The following ANO2 variants were observed in gnomAD, a reference collection of about 807,000 sequenced individuals.
ANO2 encodes anoctamin-2.
A neutral mutation model predicts 124.2 loss-of-function variants in ANO2; 101 were observed. The observed-to-expected ratio is 0.81, with a 90% CI of 0.69 to 0.96. The LOEUF is 0.96. ANO2 is among the 40% of genes least tolerant of loss of function. The pLI is 0.00. For synonymous variants in ANO2, 486 were observed against 482.5 expected, an observed-to-expected ratio of 1.01 and a Z score of -0.09; for missense variants, 1,293 against 1,274.5, an observed-to-expected ratio of 1.01 and a Z score of -0.22.
At position 5,771,867 on chromosome 12, in the gene ANO2, A is replaced by G. The variant is rs867848364; in HGVS notation, c.1056-20897T>C. Among the ~76,000 whole-genome samples, 3 of 152,228 alleles carry G rather than the reference A, an allele frequency of 2.0e-5. No homozygotes were observed. The South Asian group carries it at 6.2e-4, about 31-fold the overall frequency. On this transcript the variant is annotated intron_variant, in intron 10 of 24. Coordinates refer to ENST00000682330, the MANE Select transcript of ANO2 (RefSeq NM_001364791.2). ...TCACAACAGAAAAGACAGCGATGGT[A>G]TCTGTTCCAGTTTTTATTTGTTAAA...
Position 5,832,667 on chromosome 12 carries a change from C to A in ANO2, c.634-64G>T. The A allele has an allele frequency of 1.0e-5, 15 of 1,487,428 alleles. No homozygotes were observed. The Admixed American group carries it at 1.6e-4, about 16-fold the overall frequency. 92.1% of individuals were successfully genotyped at this position (1,487,428 alleles called of 1,614,324 possible). On this transcript the variant is annotated intron_variant, in intron 4 of 24. Coordinates refer to ENST00000682330, the MANE Select transcript of ANO2 (RefSeq NM_001364791.2). ...CTTCCAGCAGAGAGGAATGGCTTCA[C>A]AAAAAAAAGCTGCATGGACACAGAT...
At chr12:5,726,298 G>A (rs181211684) in intron 14 of ANO2, among the ~76,000 whole-genome samples, 17 of 152,302 alleles carry the variant, frequency 1.1e-4, no homozygotes, top group Admixed American at 7.8e-4. Context: ...GTTGTCCTCA[G>A]TGGAAATAGA....
At chr12:5,806,651 T>C (rs974961247) in intron 8 of ANO2, among the ~76,000 whole-genome samples, 2 of 152,224 alleles carry the variant, frequency 1.3e-5, no homozygotes, top group Admixed American at 1.3e-4. Flanking sequence ...TCTCGTAAAC[T>C]GTCTTGAAGA....
intron 14 of ANO2, among the ~76,000 whole-genome samples, chr12:5,657,833 A>C (rs1947238246): frequency 6.6e-6 from 1 of 152,056 alleles, no homozygotes; most frequent in Non-Finnish European, 1.5e-5. Flanking sequence ...GGCATGTTCA[A>C]GGGCAGAGAG....
intron 3 of ANO2, among the ~76,000 whole-genome samples, chr12:5,920,692 C>T (rs1297125462): frequency 6.6e-6 from 1 of 151,960 alleles, no homozygotes; most frequent in Non-Finnish European, 1.5e-5. Flanking sequence ...GGTGAAACCC[C>T]GTCTCTACTA....
chr12:5,779,241 G>A (rs558755117), intron 10 of ANO2, among the ~76,000 whole-genome samples: 2 of 152,174 alleles, frequency 1.3e-5, no homozygotes, highest in South Asian at 2.1e-4. Context: ...CCTTTTCTTT[G>A]GTCAAACTCA....
At chr12:5,937,805 C>T (rs1385919913) in intron 1 of ANO2, among the ~76,000 whole-genome samples, 2 of 152,076 alleles carry the variant, frequency 1.3e-5, no homozygotes, top group Admixed American at 6.5e-5. Flanking sequence ...TCTTGTCTTC[C>T]CTATTGATCT....
chr12:5,635,053 C>A lies in ANO2; in HGVS notation c.1816+99G>T, dbSNP rs551248000. 2 of 1,105,716 alleles carry A rather than the reference C, an allele frequency of 1.8e-6. No homozygotes were observed. The highest frequency in any genetic ancestry group is 2.5e-6 in the Non-Finnish European group (2 of 801,144). The allele number at this position is 1,105,716 out of a possible 1,614,324, so 68.5% of individuals were successfully genotyped here. A position where few individuals can be genotyped will look rare whatever the true frequency, so the allele number is the denominator to read the frequency against. Reference sequence around the variant, plus strand: ...AATTAAAATGCACTGTACAAAGCATCCTGTCCCTGTCCCATTTTTTTTATT... The same window carrying A: ...AATTAAAATGCACTGTACAAAGCATACTGTCCCTGTCCCATTTTTTTTATT... On this transcript the variant is annotated intron_variant, in intron 16 of 24. Transcript: ENST00000682330. The surrounding 1 kb of genome is among the most constrained non-coding windows in gnomAD (Gnocchi z 5.2).
At chr12:5,845,290 T>G (rs1954647264) in intron 4 of ANO2, among the ~76,000 whole-genome samples, 1 of 148,916 alleles carries the variant, frequency 6.7e-6, no homozygotes, top group African/African-American at 2.5e-5. Flanking sequence ...AAAAATGGCC[T>G]GGCACTGTGG....
intron 10 of ANO2, among the ~76,000 whole-genome samples, chr12:5,775,900 C>A (rs1465228138): frequency 6.6e-6 from 1 of 152,154 alleles, no homozygotes; most frequent in Non-Finnish European, 1.5e-5. Context: ...CAGTAGTAAA[C>A]AGAGGAGTGT....
At chr12:5,743,318 A>G (rs1951164340) in intron 12 of ANO2, among the ~76,000 whole-genome samples, 1 of 152,192 alleles carries the variant, frequency 6.6e-6, no homozygotes, top group African/African-American at 2.4e-5. Flanking sequence ...AAGGGCCTGC[A>G]CATTCGGTGA....
chr12:5,822,376 G>A (rs1953829985), intron 7 of ANO2, among the ~76,000 whole-genome samples: 1 of 152,168 alleles, frequency 6.6e-6, no homozygotes, highest in Non-Finnish European at 1.5e-5. Context: ...GGTGACCTCA[G>A]CAGTGGAGTG....
rs532937812 is a variant in ANO2 at position 5,640,631 on chromosome 12, T to C, written c.1621-5284A>G. Among the ~76,000 whole-genome samples, 317 of 152,276 alleles carry C rather than the reference T, an allele frequency of 2.1e-3. 3 individuals carry two copies. The East Asian group carries it at 0.024, about 12-fold the overall frequency. On this transcript the variant is annotated intron_variant, in intron 15 of 24. Coordinates refer to ENST00000682330, the MANE Select transcript of ANO2 (RefSeq NM_001364791.2). ...CAACAGACACATGAAAAAATGCTCA[T>C]CATCACTGGTCATCAGAGAAATGCA...
chr12:5,811,518 T>C (rs1216984718), intron 7 of ANO2, among the ~76,000 whole-genome samples: 1 of 152,134 alleles, frequency 6.6e-6, no homozygotes, highest in East Asian at 1.9e-4. Flanking sequence ...GAATACATTT[T>C]GTTTAAAGAC....
In ANO2 at chr12:5,905,726, C is replaced by T. The variant is rs575545945; in HGVS notation, c.534+15314G>A. 2.0e-5 allele frequency among the ~76,000 whole-genome samples: 3 copies of T among 152,242 alleles called. No individual in the cohort carries two copies. The South Asian group carries it at 6.2e-4, about 32-fold the overall frequency. The stretch of plus-strand genomic sequence containing the variant: ...TGGAATCTGCCCAATGGCACAGAGC[C>T]AGAGAGGGTTGAAAGAAAGAAGAGA... On this transcript the variant is annotated intron_variant, in intron 3 of 24. Transcript: ENST00000682330.
rs1159353828 is a variant in ANO2 at position 5,769,067 on chromosome 12, T to A, written c.1056-18097A>T. The stretch of plus-strand genomic sequence containing the variant: ...TGACAGCTGGAAACAACACAGCAAA[T>A]GGGATGAGAACTGCTCAAAAATTCC... On this transcript the variant is annotated intron_variant, in intron 10 of 24. Transcript: ENST00000682330. This position sits in a 1 kb window ranked among gnomAD's most constrained non-coding sequence, Gnocchi z 4.0. Among the ~76,000 whole-genome samples the A allele has an allele frequency of 6.6e-6, 1 of 151,834 alleles. No homozygotes were observed. Among genetic ancestry groups the A allele is most frequent in the East Asian group, 1.9e-4 (1 of 5,162 alleles).
intron 4 of ANO2, chr12:5,839,544 C>T (rs1235646984): frequency 2.2e-6 from 1 of 455,654 alleles, no homozygotes; most frequent in Non-Finnish European, 4.4e-6. Flanking sequence ...CACTCCATGG[C>T]TCTGAACATT....
chr12:5,691,536 C>T (rs1383902749), intron 14 of ANO2, among the ~76,000 whole-genome samples: 3 of 151,926 alleles, frequency 2.0e-5, no homozygotes, highest in Non-Finnish European at 2.9e-5. Flanking sequence ...TGAGTAAGAG[C>T]CTTCCAGAAG....
At chr12:5,586,323 C>T (rs76220618) in intron 20 of ANO2, among the ~76,000 whole-genome samples, 107 of 152,328 alleles carry the variant, frequency 7.0e-4, no homozygotes, top group African/African-American at 2.5e-3. Context: ...GCCAGCCCCT[C>T]GATGCTGCCT....
Sources: gnomAD v4.1 joint callset for allele counts (sites outside exome capture counted in the v4.1 genomes callset) on GRCh38, gnomAD v4.1.1 for gene constraint, Gnocchi (gnomAD v3.1) non-coding constraint, MANE v1.5 for transcripts, NCBI Gene and HGNC (gene_info 2026-07-23, HGNC 2026-07-21) for gene names.